The following DOCK4 variants were observed in gnomAD, a reference collection of about 807,000 sequenced individuals.
DOCK4 encodes the protein dedicator of cytokinesis protein 4.
Under a neutral mutation model 268.1 loss-of-function variants are expected in DOCK4, and 97 were observed. The ratio of observed to expected loss-of-function variants is 0.36; its 90% confidence interval spans 0.31 to 0.43. The LOEUF (loss-of-function observed/expected upper bound fraction) is 0.43, where lower values mean the gene tolerates loss of function less well. Among genes scored for constraint, DOCK4 ranks in the 20% least tolerant of loss-of-function variants. DOCK4 has a pLI of 1.00. For missense variants in DOCK4, 2,145 were observed against 2,455.7 expected (o/e 0.87, Z 2.67); for synonymous variants, 954 against 887.2 (o/e 1.08, Z -1.34).
intron 1 of DOCK4, among the ~76,000 whole-genome samples, chr7:112,173,702 A>G (rs1233130807): frequency 6.6e-6 from 1 of 152,198 alleles, no homozygotes; most frequent in Non-Finnish European, 1.5e-5. Flanking sequence ...CAGCTATGCC[A>G]GCTGAGGAAA....
chr7:112,205,144 G>A (rs541827573), intron 1 of DOCK4, among the ~76,000 whole-genome samples: 1 of 152,212 alleles, frequency 6.6e-6, no homozygotes, highest in South Asian at 2.1e-4. Flanking sequence ...AATGGGAGGA[G>A]GAAAAGGAAG....
At chr7:112,097,450 C>T (rs775172503) in intron 1 of DOCK4, among the ~76,000 whole-genome samples, 5 of 151,772 alleles carry the variant, frequency 3.3e-5, no homozygotes, top group Non-Finnish European at 7.4e-5. Context: ...TGGTGTGCAC[C>T]TGTGCTACCA....
intron 12 of DOCK4, among the ~76,000 whole-genome samples, chr7:111,930,236 A>G (rs939079579): frequency 1.3e-5 from 2 of 152,234 alleles, no homozygotes; most frequent in Admixed American, 6.5e-5. Flanking sequence ...AAAACATCTT[A>G]AAAAGTTAAA....
intron 1 of DOCK4, among the ~76,000 whole-genome samples, chr7:112,025,497 C>CT (rs1438833471): frequency 1.3e-5 from 2 of 152,130 alleles, no homozygotes; most frequent in African/African-American, 2.4e-5. Flanking sequence ...ATAGCCAACT[C>CT]TATCAGTGTG....
chr7:112,004,342 A>G (rs546025683), intron 1 of DOCK4, among the ~76,000 whole-genome samples: 2 of 152,348 alleles, frequency 1.3e-5, no homozygotes, highest in South Asian at 2.1e-4. Context: ...TGCATTTCAC[A>G]TATATGAAAT....
chr7:111,785,881 A>G (rs978667654), intron 32 of DOCK4, among the ~76,000 whole-genome samples: 1 of 152,158 alleles, frequency 6.6e-6, no homozygotes, highest in Non-Finnish European at 1.5e-5. Context: ...CTGGGAAGCA[A>G]GACAAGCCAT....
chr7:112,070,580 T>C (rs910075438), intron 1 of DOCK4, among the ~76,000 whole-genome samples: 2 of 152,098 alleles, frequency 1.3e-5, no homozygotes, highest in Admixed American at 1.3e-4. Flanking sequence ...AATATTTAGG[T>C]TCCTGAAGCC....
intron 1 of DOCK4, among the ~76,000 whole-genome samples, chr7:112,076,097 T>C (rs1808044294): frequency 1.3e-5 from 2 of 152,196 alleles, no homozygotes; most frequent in African/African-American, 4.8e-5. Flanking sequence ...GCTAAAAATA[T>C]TTTCAGGTAG....
At chr7:112,112,512 T>C (rs376978556) in intron 1 of DOCK4, among the ~76,000 whole-genome samples, 12 of 151,932 alleles carry the variant, frequency 7.9e-5, no homozygotes, top group East Asian at 7.7e-4. Flanking sequence ...GGTGTGGTGG[T>C]GGGCACCTGT....
At chr7:112,084,416 A>G (rs1180745857) in intron 1 of DOCK4, among the ~76,000 whole-genome samples, 1 of 152,200 alleles carries the variant, frequency 6.6e-6, no homozygotes, top group African/African-American at 2.4e-5. Flanking sequence ...TTATACAGAG[A>G]GCATCCCAAA....
intron 1 of DOCK4, among the ~76,000 whole-genome samples, chr7:112,170,588 C>A (rs1246408699): frequency 6.6e-6 from 1 of 152,090 alleles, no homozygotes; most frequent in African/African-American, 2.4e-5. Flanking sequence ...TGATGACCTT[C>A]ATTAGTTACA....
chr7:111,802,027 A>T (rs1461672474), intron 30 of DOCK4, among the ~76,000 whole-genome samples: 3 of 151,658 alleles, frequency 2.0e-5, no homozygotes, highest in South Asian at 2.1e-4. Flanking sequence ...AGACTGACAA[A>T]CTCACTGAAA....
intron 1 of DOCK4, among the ~76,000 whole-genome samples, chr7:112,143,494 T>C (rs935448489): frequency 5.3e-5 from 8 of 152,222 alleles, no homozygotes; most frequent in African/African-American, 7.2e-5. Flanking sequence ...GCTACAACTC[T>C]CTATCAAATA....
At chr7:112,173,867 G>A (rs952323598) in intron 1 of DOCK4, among the ~76,000 whole-genome samples, 1 of 152,094 alleles carries the variant, frequency 6.6e-6, no homozygotes, top group African/African-American at 2.4e-5. Context: ...AAGAGAGCAA[G>A]CAGAATACCT....
intron 1 of DOCK4, among the ~76,000 whole-genome samples, chr7:112,061,491 G>A (rs953951866): frequency 5.9e-5 from 9 of 151,934 alleles, no homozygotes; most frequent in African/African-American, 1.7e-4. Flanking sequence ...TTCCTTCACC[G>A]ACCTTGGGCC....
chr7:111,775,654 G>A (rs929031031), intron 36 of DOCK4, among the ~76,000 whole-genome samples: 5 of 152,318 alleles, frequency 3.3e-5, no homozygotes, highest in East Asian at 1.9e-4. Flanking sequence ...CCCTTTAGTC[G>A]GAGTACTGGG....
chr7:111,761,829 A>C (rs1797425342), intron 39 of DOCK4, among the ~76,000 whole-genome samples: 1 of 152,156 alleles, frequency 6.6e-6, no homozygotes, highest in South Asian at 2.1e-4. Context: ...TCTACCTATA[A>C]TTGTGGACCC....
chr7:112,096,185 CT>C (rs34454243), intron 1 of DOCK4, among the ~76,000 whole-genome samples: 1 of 150,778 alleles, frequency 6.6e-6, no homozygotes, highest in Non-Finnish European at 1.5e-5. Context: ...TTAGGGCATT[CT>C]TTTTTTTTAG....
chr7:112,204,912 G>A (rs1040065309), intron 1 of DOCK4, among the ~76,000 whole-genome samples: 3 of 136,106 alleles, frequency 2.2e-5, no homozygotes, highest in Non-Finnish European at 5.0e-5. Flanking sequence ...CACACACAAA[G>A]TACACCAGTC....
Sources: allele counts gnomAD v4.1 joint callset (sites outside exome capture counted in the v4.1 genomes callset), GRCh38; gene constraint gnomAD v4.1.1; transcripts MANE v1.5; gene names NCBI Gene and HGNC (gene_info 2026-07-23, HGNC 2026-07-21).